Variants in MYT1L observed in about 807,000 individuals in gnomAD.
MYT1L encodes the protein myelin transcription factor 1-like protein.
A neutral mutation model predicts 126.7 loss-of-function variants in MYT1L; 12 were observed. That is an observed-to-expected ratio of 0.09 (90% CI 0.06 to 0.15). The LOEUF (loss-of-function observed/expected upper bound fraction) is 0.15. MYT1L is among the 10% of genes least tolerant of loss of function. MYT1L has a pLI of 1.00. For missense variants in MYT1L, 979 were observed against 1,585.2 expected (o/e 0.62, Z 6.49); for synonymous variants, 541 against 604.2 (o/e 0.90, Z 1.53).
chr2:1,800,640 C>T (rs1170939829), intron 23 of MYT1L, among the ~76,000 whole-genome samples: 2 of 152,212 alleles, frequency 1.3e-5, no homozygotes, highest in Non-Finnish European at 2.9e-5. Context: ...CCGTTGACCA[C>T]ACCCGGCTGA....
At chr2:2,012,059 G>A (rs1332509350) in intron 4 of MYT1L, among the ~76,000 whole-genome samples, 2 of 152,196 alleles carry the variant, frequency 1.3e-5, no homozygotes, top group Non-Finnish European at 2.9e-5. Context: ...GAGTCACTAT[G>A]TGACCCAGAA....
At chr2:2,179,724 G>A (rs975847804) in intron 2 of MYT1L, among the ~76,000 whole-genome samples, 5 of 152,172 alleles carry the variant, frequency 3.3e-5, no homozygotes, top group Admixed American at 2.6e-4. Context: ...TAGGTCTCCC[G>A]AAGCTTGGTG....
At chr2:1,924,642 T>C (rs1320356331) in intron 9 of MYT1L, among the ~76,000 whole-genome samples, 1 of 152,196 alleles carries the variant, frequency 6.6e-6, no homozygotes, top group Non-Finnish European at 1.5e-5. Context: ...GAACAAATAT[T>C]TAAGATCTGA....
intron 21 of MYT1L, among the ~76,000 whole-genome samples, chr2:1,820,280 T>A (rs907037503): frequency 6.6e-6 from 1 of 152,216 alleles, no homozygotes; most frequent in Non-Finnish European, 1.5e-5. Flanking sequence ...TGATTCTTGT[T>A]TCCAGCATTG....
chr2:1,954,393 C>T (rs532087522), intron 8 of MYT1L, among the ~76,000 whole-genome samples: 9 of 152,314 alleles, frequency 5.9e-5, no homozygotes, highest in African/African-American at 2.2e-4. Flanking sequence ...AAAACAAACA[C>T]CACACGTGCA....
At chr2:2,143,059 G>C (rs2084265963) in intron 3 of MYT1L, among the ~76,000 whole-genome samples, 1 of 151,154 alleles carries the variant, frequency 6.6e-6, no homozygotes, top group African/African-American at 2.4e-5. Flanking sequence ...GGGAGGCCGA[G>C]GCGGGCAGAT....
At chr2:1,957,871 A>AT in intron 8 of MYT1L, among the ~76,000 whole-genome samples, 1 of 152,050 alleles carries the variant, frequency 6.6e-6, no homozygotes, top group East Asian at 1.9e-4. Context: ...TGTGTTATTT[A>AT]TTTTTTGTTT....
chr2:1,905,115 T>C (rs879486007), intron 13 of MYT1L, among the ~76,000 whole-genome samples: 3 of 152,004 alleles, frequency 2.0e-5, no homozygotes, highest in Non-Finnish European at 4.4e-5. Context: ...TCTTGAACCC[T>C]TGGCATCAAG....
intron 4 of MYT1L, among the ~76,000 whole-genome samples, chr2:2,003,728 C>T (rs368909797): frequency 6.6e-6 from 1 of 152,184 alleles, no homozygotes; most frequent in Non-Finnish European, 1.5e-5. Context: ...GGCTGCCGAG[C>T]CTCCTCCATG....
chr2:2,310,381 C>T (rs1318888816), intron 1 of MYT1L, among the ~76,000 whole-genome samples: 1 of 152,132 alleles, frequency 6.6e-6, no homozygotes, highest in Non-Finnish European at 1.5e-5. Context: ...ATCTAAACTC[C>T]ACCTACACTT....
chr2:1,890,048 T>C (rs1170106769), intron 15 of MYT1L, among the ~76,000 whole-genome samples: 2 of 149,294 alleles, frequency 1.3e-5, no homozygotes, highest in Non-Finnish European at 3.0e-5. Flanking sequence ...GAGAATAAAC[T>C]AAAATTTACC....
At chr2:2,015,187 G>C (rs1203783239) in intron 4 of MYT1L, among the ~76,000 whole-genome samples, 1 of 152,360 alleles carries the variant, frequency 6.6e-6, no homozygotes, top group South Asian at 2.1e-4. Context: ...ATGCTGAAGA[G>C]AATGGGTGCA....
chr2:1,837,830 G>A (rs73913434), intron 21 of MYT1L, among the ~76,000 whole-genome samples: 6,667 of 151,910 alleles, frequency 0.044, 484 homozygotes, highest in African/African-American at 0.15. Context: ...GAGAAGACGG[G>A]AACTGCCTGC....
chr2:2,111,309 C>T (rs1050281195), intron 3 of MYT1L, among the ~76,000 whole-genome samples: 3 of 152,284 alleles, frequency 2.0e-5, no homozygotes, highest in Non-Finnish European at 4.4e-5. Flanking sequence ...ACAGGCATCT[C>T]GATGTAACAG....
intron 2 of MYT1L, among the ~76,000 whole-genome samples, chr2:2,183,397 G>C (rs971635116): frequency 1.3e-5 from 2 of 152,128 alleles, no homozygotes; most frequent in African/African-American, 4.8e-5. Context: ...GGTGGGGCCA[G>C]GCGGTAGGAA....
intron 3 of MYT1L, among the ~76,000 whole-genome samples, chr2:2,088,479 A>G (rs1314461556): frequency 2.6e-5 from 4 of 152,056 alleles, no homozygotes; most frequent in African/African-American, 9.7e-5. Context: ...GCATCACTAG[A>G]GCGACCAGTG....
chr2:1,967,125 C>G (rs987639733), intron 8 of MYT1L, among the ~76,000 whole-genome samples: 5 of 152,192 alleles, frequency 3.3e-5, no homozygotes, highest in Admixed American at 3.3e-4. Flanking sequence ...GTTCTTTCAT[C>G]ATTTCTAGTC....
chr2:1,967,816 C>T (rs183315194), intron 8 of MYT1L, among the ~76,000 whole-genome samples: 7 of 152,204 alleles, frequency 4.6e-5, no homozygotes, highest in Non-Finnish European at 8.8e-5. Context: ...CTGGGAACAG[C>T]GAGTGCTTCT....
chr2:1,815,459 T>C (rs1025998307), intron 21 of MYT1L, among the ~76,000 whole-genome samples: 4 of 152,200 alleles, frequency 2.6e-5, no homozygotes, highest in South Asian at 2.1e-4. Flanking sequence ...CCCCGTGTCC[T>C]TTCCACCCTC....
Sources: gnomAD v4.1 joint callset for allele counts (sites outside exome capture counted in the v4.1 genomes callset) on GRCh38, gnomAD v4.1.1 for gene constraint, MANE v1.5 for transcripts, NCBI Gene and HGNC (gene_info 2026-07-23, HGNC 2026-07-21) for gene names.